MKRN1: variants seen among roughly 807,000 people sequenced by gnomAD.
MKRN1 encodes the protein makorin ring finger protein 1.
Under a neutral mutation model 55.5 loss-of-function variants are expected in MKRN1, and 9 were observed. The ratio of observed to expected loss-of-function variants is 0.16; its 90% confidence interval spans 0.10 to 0.28. MKRN1 has a LOEUF of 0.28. MKRN1 is among the 10% of genes least tolerant of loss of function. The pLI is 1.00. For synonymous variants in MKRN1, 253 were observed against 235.9 expected, an observed-to-expected ratio of 1.07 and a Z score of -0.66; for missense variants, 488 against 626.7, an observed-to-expected ratio of 0.78 and a Z score of 2.36.
Position 140,459,159 on chromosome 7 carries a change from C to T in MKRN1, c.619G>A (p.Val207Met), listed in dbSNP as rs58548717. ...KEESEKEQTA[V>M]ETKKQLCPYA... ...GGGCACAGCTGCTTCTTTGTCTCCACGGCGGTTTGCTCTTTCTCTGATTCT... is the reference window on the plus strand; with the variant it reads ...GGGCACAGCTGCTTCTTTGTCTCCATGGCGGTTTGCTCTTTCTCTGATTCT... Residue 207 changes from valine (V) to methionine (M), a missense_variant, in exon 4 of 8, where the codon GTG (valine) becomes ATG (methionine). Coordinates refer to ENST00000255977, the MANE Select transcript of MKRN1 (RefSeq NM_013446.4). 2,990 of 1,613,934 alleles carry T rather than the reference C, an allele frequency of 1.9e-3. 45 individuals are homozygous for T. In the African/African-American group the frequency reaches 0.032, roughly 18 times the overall value.
In MKRN1 at chr7:140,456,772, T is replaced by C; in HGVS notation, c.866A>G (p.Tyr289Cys). The C allele has an allele frequency of 1.2e-6, 2 of 1,614,026 alleles. No individual in the cohort carries two copies. The highest frequency in any genetic ancestry group is 1.7e-6 in the Non-Finnish European group (2 of 1,179,922). ...MVCGICMEVV[Y>C]EKANPSERRF... ...GCGCTCACTGGGGTTGGCTTTCTCATAGACCACCTCCATGCAGATCCCACA... is the reference window on the plus strand; with the variant it reads ...GCGCTCACTGGGGTTGGCTTTCTCACAGACCACCTCCATGCAGATCCCACA... The change falls in exon 5 of 8, where the codon TAT becomes TGT. Residue 289 changes from tyrosine (Y) to cysteine (C), a missense_variant. By Grantham distance (194) the Tyr-to-Cys change is radical. Around this residue, in one of 2 missense-constraint regions of MKRN1, gnomAD observed 278 missense variants for 406.7 expected, o/e 0.68. Transcript: ENST00000255977.
Position 140,476,710 on chromosome 7 carries a change from AAACTGAGG to A in MKRN1, c.185+2442_185+2449del, listed in dbSNP as rs1285820717. Among the ~76,000 whole-genome samples the A allele has an allele frequency of 4.6e-5, 7 of 151,486 alleles. 1 individual carries two copies. In the South Asian group the frequency reaches 1.5e-3, roughly 31 times the overall value. ...TTCATGATACTGGAACTGAGGAAAG[AAACTGAGG>A]AACTGAGGAAAGAAAGCCCTGCAGA... is the stretch of plus-strand genomic sequence containing the variant. On this transcript the variant is annotated intron_variant, in intron 1 of 7. Coordinates refer to ENST00000255977, the MANE Select transcript of MKRN1 (RefSeq NM_013446.4).
chr7:140,470,239 G>C (rs1585488596), intron 2 of MKRN1, among the ~76,000 whole-genome samples: 1 of 145,948 alleles, frequency 6.9e-6, no homozygotes, highest in African/African-American at 2.5e-5. Flanking sequence ...AAAAGGCCAA[G>C]TGGTGAGAAA....
chr7:140,458,627 A>G lies in MKRN1; in HGVS notation c.771+380T>C, dbSNP rs138027938. 7.7e-4 allele frequency among the ~76,000 whole-genome samples: 118 copies of G among 152,328 alleles called. 1 individual carries two copies. The East Asian group carries it at 0.015, about 20-fold the overall frequency. On this transcript the variant is annotated intron_variant, in intron 4 of 7. Coordinates refer to ENST00000255977, the MANE Select transcript of MKRN1 (RefSeq NM_013446.4). Reference sequence around the variant, plus strand: ...CCAATGAAATGTGCATTTTCAAAAGATTAAACATATTCAATGTGAATCTCA... The same window carrying G: ...CCAATGAAATGTGCATTTTCAAAAGGTTAAACATATTCAATGTGAATCTCA...
chr7:140,459,163 G>A lies in MKRN1; in HGVS notation c.615C>T (p.Thr205=), dbSNP rs768286835. Residue 205 remains threonine (T), a synonymous_variant, in exon 4 of 8, where the codon ACC becomes ACT. Coordinates refer to ENST00000255977, the MANE Select transcript of MKRN1 (RefSeq NM_013446.4). Reference sequence around the variant, plus strand: ...ACAGCTGCTTCTTTGTCTCCACGGCGGTTTGCTCTTTCTCTGATTCTTCCT... The same window carrying A: ...ACAGCTGCTTCTTTGTCTCCACGGCAGTTTGCTCTTTCTCTGATTCTTCCT... ...VTKEESEKEQ[T]AVETKKQLCP... 2.9e-5 allele frequency: 47 copies of A among 1,613,814 alleles called. No individual in the cohort carries two copies. The highest frequency in any genetic ancestry group is 6.7e-5 in the East Asian group (3 of 44,894).
At chr7:140,468,015 A>AAAAAAT (rs1563093399) in intron 2 of MKRN1, among the ~76,000 whole-genome samples, 1 of 151,856 alleles carries the variant, frequency 6.6e-6, no homozygotes, top group African/African-American at 2.4e-5. Flanking sequence ...AAAAAAAAAA[A>AAAAAAT]AAAAAATGCA....
rs11769245 is a variant in MKRN1, at chr7:140,475,273, G to A, written c.186-3262C>T. On this transcript the variant is annotated intron_variant, in intron 1 of 7. Coordinates refer to ENST00000255977, the MANE Select transcript of MKRN1 (RefSeq NM_013446.4). ...CACCAGAATTCCTTGAACCCAGGAG[G>A]CAGAGGTTGTAGTGAGCCGAGATCG... 2.1e-5 allele frequency: 9 copies of A among 435,074 alleles called. No homozygotes were observed. The East Asian group carries it at 4.2e-4, about 20-fold the overall frequency. 27.0% of individuals were successfully genotyped at this position (435,074 alleles called of 1,614,324 possible). A position where few individuals can be genotyped will look rare whatever the true frequency, so the allele number is the denominator to read the frequency against.
chr7:140,471,941 A>C lies in MKRN1; in HGVS notation c.256T>G (p.Tyr86Asp). 1 of 1,614,156 alleles carries C rather than the reference A, an allele frequency of 6.2e-7. No individual in the cohort carries two copies. Among genetic ancestry groups the C allele is most frequent in the Non-Finnish European group, 8.5e-7 (1 of 1,180,038 alleles). Residue 86 changes from tyrosine to aspartate, a missense_variant, in exon 2 of 8, where the codon TAT (tyrosine) becomes GAT (aspartate). By Grantham distance (160) the Tyr-to-Asp change is radical. Coordinates refer to ENST00000255977, the MANE Select transcript of MKRN1 (RefSeq NM_013446.4). The stretch of plus-strand genomic sequence containing the variant: ...TGAAAATACTTGCACACTACACTAT[A>C]CGGACTGTCAGAGAGGTCATGCGAG... ...RYSHDLSDSP[Y>D]SVVCKYFQRG... is the part of the protein sequence containing the mutation.
chr7:140,467,272 C>A (rs1020749693), intron 2 of MKRN1, among the ~76,000 whole-genome samples: 1 of 151,894 alleles, frequency 6.6e-6, no homozygotes, highest in South Asian at 2.1e-4. Flanking sequence ...CCAAGCCCAG[C>A]CGCCCCCTCC....
intron 6 of MKRN1, 164 bp downstream of exon 6, chr7:140,455,626 G>T (rs1794446841): frequency 1.6e-6 from 1 of 618,058 alleles, no homozygotes; most frequent in South Asian, 2.0e-5. Context: ...CTGTGTTATA[G>T]CAAGATATAT....
intron 3 of MKRN1, 122 bp from the exon 4 acceptor site, chr7:140,459,355 G>T: frequency 2.1e-6 from 2 of 946,824 alleles, no homozygotes; most frequent in Non-Finnish European, 1.6e-6. Flanking sequence ...ACAGTCTACT[G>T]AACTAACTTC....
chr7:140,478,875 C>T (rs1303317020), intron 1 of MKRN1: 1 of 273,998 alleles, frequency 3.6e-6, no homozygotes. Flanking sequence ...AGGCAGCGCT[C>T]AGGGAAGTGT....
chr7:140,464,717 C>CAAACA (rs1028086842), intron 2 of MKRN1, among the ~76,000 whole-genome samples: 1 of 150,522 alleles, frequency 6.6e-6, no homozygotes, highest in Non-Finnish European at 1.5e-5. Context: ...AAAAAACAAA[C>CAAACA]AAACAAAACA....
At chr7:140,454,867 C>T (rs1190592656) in intron 7 of MKRN1, 138 bp from the exon 8 acceptor site, 1 of 1,057,180 alleles carries the variant, frequency 9.5e-7, no homozygotes, top group African/African-American at 1.6e-5. Flanking sequence ...TTTACCACTT[C>T]CTCCCCTCTG....
chr7:140,466,660 C>T (rs993073254), intron 2 of MKRN1, among the ~76,000 whole-genome samples: 10 of 151,702 alleles, frequency 6.6e-5, no homozygotes, highest in African/African-American at 1.9e-4. Context: ...AAAAATTAGC[C>T]GGGCGCGGTG....
chr7:140,455,779 A>C lies in MKRN1; in HGVS notation c.1097+11T>G. The C allele has an allele frequency of 6.3e-7, 1 of 1,595,146 alleles. No homozygotes were observed. Among genetic ancestry groups the C allele is most frequent in the Non-Finnish European group, 8.6e-7 (1 of 1,163,758 alleles). ...GGCTCTTCGCTTGAGAAAAGGCTGC[A>C]GTGCTCATACCTCATTGCCTCCTTG... On this transcript the variant is annotated intron_variant, in intron 6 of 7. Transcript: ENST00000255977.
rs762850310 is a variant in MKRN1 at position 140,459,105 on chromosome 7, C to A, written c.673G>T (p.Gly225Trp). Residue 225 changes from glycine (G) to tryptophan (W), a missense_variant, in exon 4 of 8, where the codon GGG becomes TGG. Physicochemically the swap from Gly to Trp is radical, Grantham distance 184. This residue lies in a region of MKRN1 where 278 missense variants were observed against 406.7 expected (regional missense o/e 0.68). Coordinates refer to ENST00000255977, the MANE Select transcript of MKRN1 (RefSeq NM_013446.4). ...PYAAVGECRY[G>W]ENCVYLHGDS... ...CCGTGGAGATACACACAGTTCTCCC[C>A]GTATCGGCACTCTCCCACTGCAGCA... 2 of 1,613,838 alleles carry A rather than the reference C, an allele frequency of 1.2e-6. No individual in the cohort carries two copies. The highest frequency in any genetic ancestry group is 2.7e-5 in the African/African-American group (2 of 74,914).
intron 5 of MKRN1, 107 bp from the exon 6 acceptor site, chr7:140,456,007 G>A: frequency 9.2e-7 from 1 of 1,082,430 alleles, no homozygotes; most frequent in Non-Finnish European, 1.4e-6. Flanking sequence ...TAACTGAAAG[G>A]CACGTGGGCA....
intron 2 of MKRN1, among the ~76,000 whole-genome samples, chr7:140,469,703 A>G (rs908165167): frequency 1.3e-5 from 2 of 152,132 alleles, no homozygotes; most frequent in Non-Finnish European, 2.9e-5. Flanking sequence ...GCCTGAGCTC[A>G]GGAATTTGAG....
Sources: gnomAD v4.1 joint callset for allele counts (sites outside exome capture counted in the v4.1 genomes callset) on GRCh38, gnomAD v4.1.1 for gene constraint, gnomAD v4.1.1 regional missense constraint, MANE v1.5 for transcripts, NCBI Gene and HGNC (gene_info 2026-07-23, HGNC 2026-07-21) for gene names.